Variants in FHIP1A observed in about 807,000 individuals in gnomAD.
The protein encoded by FHIP1A is FHF complex subunit HOOK-interacting protein 1A.
FHIP1A carries 61 observed loss-of-function variants against 88.6 expected under a neutral mutation model. The observed-to-expected ratio is 0.69, with a 90% CI of 0.56 to 0.85. FHIP1A has a LOEUF of 0.85. Among genes scored for constraint, FHIP1A ranks in the 40% least tolerant of loss-of-function variants. The pLI, the probability that FHIP1A is intolerant of heterozygous loss-of-function variation, is 0.00. For missense variants in FHIP1A, 1,154 were observed against 1,273.5 expected (o/e 0.91, Z 1.43); for synonymous variants, 478 against 496.0 (o/e 0.96, Z 0.48).
chr4:151,448,541 A>G (rs912285930), intron 1 of FHIP1A, among the ~76,000 whole-genome samples: 9 of 152,180 alleles, frequency 5.9e-5, no homozygotes, highest in Non-Finnish European at 1.3e-4. Flanking sequence ...AGGTACCTCT[A>G]GACTAGAATC....
At chr4:151,497,211 GAAAAT>G (rs1374282495) in intron 3 of FHIP1A, among the ~76,000 whole-genome samples, 1 of 152,128 alleles carries the variant, frequency 6.6e-6, no homozygotes, top group Non-Finnish European at 1.5e-5. Context: ...TCTTAACTGA[GAAAAT>G]AATATTGATA....
chr4:151,529,337 G>C (rs760563788), intron 3 of FHIP1A, among the ~76,000 whole-genome samples: 9 of 152,188 alleles, frequency 5.9e-5, no homozygotes, highest in Non-Finnish European at 8.8e-5. Flanking sequence ...GGAGTCCGCC[G>C]TTATTGTAGC....
chr4:151,497,637 T>TGC (rs1482905168), intron 3 of FHIP1A, among the ~76,000 whole-genome samples: 36 of 152,252 alleles, frequency 2.4e-4, no homozygotes, highest in Non-Finnish European at 7.3e-5. Context: ...TGTGTGTGTG[T>TGC]GCACATGCAC....
chr4:151,439,650 G>T (rs1301429140), intron 1 of FHIP1A, among the ~76,000 whole-genome samples: 2 of 152,078 alleles, frequency 1.3e-5, no homozygotes, highest in Non-Finnish European at 2.9e-5. Flanking sequence ...ACAGTTCCAA[G>T]TTCTGATATC....
At chr4:151,472,438 G>T (rs983542371) in intron 2 of FHIP1A, among the ~76,000 whole-genome samples, 1 of 152,002 alleles carries the variant, frequency 6.6e-6, no homozygotes, top group African/African-American at 2.4e-5. Context: ...TGGCTGATAG[G>T]CTGGGTGCTA....
chr4:151,648,588 A>G (rs1736880751), intron 10 of FHIP1A, among the ~76,000 whole-genome samples: 2 of 151,868 alleles, frequency 1.3e-5, no homozygotes, highest in African/African-American at 4.8e-5. Context: ...CTGTGCTTGA[A>G]CTGTGGCTCT....
At chr4:151,433,428 G>T (rs1000849886) in intron 1 of FHIP1A, among the ~76,000 whole-genome samples, 16 of 151,880 alleles carry the variant, frequency 1.1e-4, no homozygotes, top group African/African-American at 3.4e-4. Flanking sequence ...TGTAAGCCCA[G>T]ATGACTGGGA....
intron 1 of FHIP1A, among the ~76,000 whole-genome samples, chr4:151,452,951 T>TATATATATATATATATATAC (rs1266623899): frequency 4.3e-4 from 51 of 119,408 alleles, no homozygotes; most frequent in African/African-American, 1.4e-3. Flanking sequence ...TATATATATA[T>TATATATATATATATATATAC]ACATACACAC....
At chr4:151,645,198 A>G (rs553019914) in intron 9 of FHIP1A, among the ~76,000 whole-genome samples, 2 of 152,280 alleles carry the variant, frequency 1.3e-5, no homozygotes, top group African/African-American at 4.8e-5. Flanking sequence ...GGTTCAAAAT[A>G]TATATCTGCC....
chr4:151,526,885 G>A (rs1560749415), intron 3 of FHIP1A, among the ~76,000 whole-genome samples: 1 of 151,352 alleles, frequency 6.6e-6, no homozygotes, highest in Non-Finnish European at 1.5e-5. Context: ...CATCCCGGAC[G>A]GGGCGGCAGG....
intron 1 of FHIP1A, among the ~76,000 whole-genome samples, chr4:151,433,418 T>C (rs1308695609): frequency 6.6e-6 from 1 of 151,584 alleles, no homozygotes; most frequent in Non-Finnish European, 1.5e-5. Flanking sequence ...ACTCCAGGAA[T>C]GTAAGCCCAG....
intron 3 of FHIP1A, among the ~76,000 whole-genome samples, chr4:151,486,299 T>G (rs975490863): frequency 6.6e-6 from 1 of 152,176 alleles, no homozygotes; most frequent in African/African-American, 2.4e-5. Flanking sequence ...CCATTTATTT[T>G]TTCTTGTCCT....
At chr4:151,467,207 G>A (rs773978097) in intron 2 of FHIP1A, among the ~76,000 whole-genome samples, 2 of 152,126 alleles carry the variant, frequency 1.3e-5, no homozygotes, top group African/African-American at 4.8e-5. Flanking sequence ...TTATGTGGCC[G>A]AGAAGCATAT....
chr4:151,626,211 T>C (rs1735946952), intron 7 of FHIP1A, among the ~76,000 whole-genome samples: 1 of 152,226 alleles, frequency 6.6e-6, no homozygotes, highest in Non-Finnish European at 1.5e-5. Flanking sequence ...TATTGGAATC[T>C]GGTCTAAACC....
chr4:151,600,318 G>A (rs1734814522), intron 7 of FHIP1A, among the ~76,000 whole-genome samples: 1 of 152,196 alleles, frequency 6.6e-6, no homozygotes, highest in Admixed American at 6.5e-5. Flanking sequence ...AGCAAAGCAA[G>A]TCACTAGGCC....
intron 1 of FHIP1A, among the ~76,000 whole-genome samples, chr4:151,440,614 A>G (rs756244505): frequency 6.6e-6 from 1 of 152,126 alleles, no homozygotes; most frequent in East Asian, 1.9e-4. Context: ...GGGATTTAGG[A>G]TAGTCACCAC....
chr4:151,601,890 T>C (rs1054664897), intron 7 of FHIP1A, among the ~76,000 whole-genome samples: 3 of 151,890 alleles, frequency 2.0e-5, no homozygotes, highest in Admixed American at 6.6e-5. Flanking sequence ...CAGTTTTACA[T>C]GGGTGGGGAG....
chr4:151,495,431 G>A (rs961934003), intron 3 of FHIP1A, among the ~76,000 whole-genome samples: 2 of 151,596 alleles, frequency 1.3e-5, no homozygotes, highest in African/African-American at 2.4e-5. Context: ...GAACCTGGGA[G>A]GCAGAGGTTG....
intron 3 of FHIP1A, among the ~76,000 whole-genome samples, chr4:151,552,458 A>C (rs1210613081): frequency 6.6e-6 from 1 of 152,228 alleles, no homozygotes; most frequent in Non-Finnish European, 1.5e-5. Context: ...TGGATTAAGA[A>C]AATGTGGCAC....
Sources: allele counts gnomAD v4.1 joint callset (sites outside exome capture counted in the v4.1 genomes callset), GRCh38; gene constraint gnomAD v4.1.1; transcripts MANE v1.5; gene names NCBI Gene and HGNC (gene_info 2026-07-23, HGNC 2026-07-21).